ZNF248: variants seen among roughly 807,000 people sequenced by gnomAD.
ZNF248 encodes KRAB protein domain.
ZNF248 carries 20 observed loss-of-function variants against 44.3 expected under a neutral mutation model. The ratio of observed to expected loss-of-function variants is 0.45; its 90% CI spans 0.32 to 0.66. ZNF248 has a LOEUF of 0.66. Ranked by LOEUF, ZNF248 falls within the 30% of genes least tolerant of loss-of-function variation. The probability of loss-of-function intolerance (pLI) is 0.04; values close to 1 mark genes in which losing one functional copy is unlikely to be tolerated. For missense variants in ZNF248, 654 were observed against 677.0 expected, an observed-to-expected ratio of 0.97 and a Z score of 0.38; for synonymous variants, 224 against 229.0, an observed-to-expected ratio of 0.98 and a Z score of 0.20.
the ZNF248 span, among the ~76,000 whole-genome samples, chr10:37,758,569 T>C: frequency 6.6e-6 from 1 of 152,220 alleles, no homozygotes; most frequent in Non-Finnish European, 1.5e-5. Context: ...TTAATGAAAG[T>C]CATATACTCA....
chr10:37,829,762 C>A lies in ZNF248; in HGVS notation c.*1853G>T. On this transcript the variant is annotated 3_prime_UTR_variant, in exon 6 of 6. Coordinates refer to ENST00000395867, the MANE Select transcript of ZNF248 (RefSeq NM_021045.3). ...AGCCCAGCAGAGTCTCTTCTCATGT[C>A]ATGACAATGTTGTATCAAGGAGATC... 2.0e-6 allele frequency: 2 copies of A among 985,370 alleles called. No individual in the cohort carries two copies. Among genetic ancestry groups the A allele is most frequent in the Non-Finnish European group, 2.4e-6 (2 of 829,922 alleles). 61.0% of individuals were successfully genotyped at this position (985,370 alleles called of 1,614,324 possible).
intron 6 of ZNF248, among the ~76,000 whole-genome samples, chr10:37,815,636 TTTC>T (rs907154960): frequency 2.0e-5 from 3 of 152,108 alleles, no homozygotes; most frequent in East Asian, 3.9e-4. Flanking sequence ...TCAGGGACAG[TTTC>T]TTTTCTTTTT....
intron 3 of ZNF248, among the ~76,000 whole-genome samples, chr10:37,855,798 G>C (rs1037184942): frequency 2.0e-5 from 3 of 152,226 alleles, no homozygotes; most frequent in Admixed American, 6.5e-5. Flanking sequence ...ACATAAATGA[G>C]AAACACAGAA....
At chr10:37,771,188 T>C in the ZNF248 span, among the ~76,000 whole-genome samples, 32 of 152,276 alleles carry the variant, frequency 2.1e-4, no homozygotes, top group South Asian at 2.1e-4. Flanking sequence ...TGTAAACCAG[T>C]TCAACAATTG....
intron 3 of ZNF248, among the ~76,000 whole-genome samples, chr10:37,846,117 G>A (rs148495710): frequency 2.7e-4 from 41 of 152,230 alleles, no homozygotes; most frequent in Middle Eastern, 3.4e-3. Flanking sequence ...GGTCTTAGGC[G>A]TTAACCACCT....
intron 6 of ZNF248, chr10:37,819,963 C>G (rs1172024550): frequency 1.3e-6 from 1 of 767,288 alleles, no homozygotes; most frequent in Non-Finnish European, 2.4e-6. Context: ...TAAAGCGGCC[C>G]CATCTCAAGC....
At chr10:37,837,936 C>T in intron 4 of ZNF248, 49 bp downstream of exon 4, 1 of 1,592,826 alleles carries the variant, frequency 6.3e-7, no homozygotes, top group Admixed American at 1.7e-5. Flanking sequence ...AGGGCATCAA[C>T]TAGTAAATGC....
chr10:37,820,686 C>T (rs775796484), intron 6 of ZNF248: 28 of 1,384,672 alleles, frequency 2.0e-5, no homozygotes, highest in East Asian at 9.2e-5. Context: ...TGCTTTTTCT[C>T]GGGAGTCTCT....
chr10:37,767,194 C>G, the ZNF248 span, among the ~76,000 whole-genome samples: 1 of 152,204 alleles, frequency 6.6e-6, no homozygotes, highest in African/African-American at 2.4e-5. Context: ...AGTTGGAACA[C>G]ACTCTGCAGG....
rs2055899177 is a variant in ZNF248 at position 37,832,252 on chromosome 10, G to A, written c.1103C>T (p.Thr368Ile). Residue 368 changes from threonine (T) to isoleucine (I), a missense_variant, in exon 6 of 6, where the codon ACC (threonine) becomes ATC (isoleucine). Physicochemically the swap from Thr to Ile is moderately conservative, Grantham distance 89 (BLOSUM62 -1). Transcript: ENST00000395867. ...TCCTGTGTGAGCTCTCCGAAGCTGG[G>A]TAAGATGTGACTTCTTGCTGAAATT... Reference protein sequence around the residue: ...GSNFSKKSHLTQLRRAHTGEK... With the variant: ...GSNFSKKSHLIQLRRAHTGEK... 2.5e-6 allele frequency: 4 copies of A among 1,614,034 alleles called. No homozygotes were observed. The South Asian group carries it at 4.4e-5, about 18-fold the overall frequency.
At chr10:37,769,762 G>T in the ZNF248 span, among the ~76,000 whole-genome samples, 5 of 152,210 alleles carry the variant, frequency 3.3e-5, no homozygotes, top group African/African-American at 7.2e-5. Context: ...AGTGGTGGAA[G>T]TTCTGGCCAG....
intron 6 of ZNF248, among the ~76,000 whole-genome samples, chr10:37,817,842 C>G (rs2052761406): frequency 6.6e-6 from 1 of 152,048 alleles, no homozygotes; most frequent in Non-Finnish European, 1.5e-5. Context: ...GTTACCTAAA[C>G]TTTATTAAAA....
downstream of ZNF248, among the ~76,000 whole-genome samples, chr10:37,772,404 C>G (rs2046290470): frequency 6.6e-6 from 1 of 152,240 alleles, no homozygotes; most frequent in South Asian, 2.1e-4. Flanking sequence ...TATATTGCCA[C>G]CAGACACTGC....
intron 3 of ZNF248, among the ~76,000 whole-genome samples, chr10:37,844,095 CAA>C (rs1231557043): frequency 6.6e-6 from 1 of 152,100 alleles, no homozygotes; most frequent in Non-Finnish European, 1.5e-5. Flanking sequence ...AAGAAAAATC[CAA>C]AGAGATCCAC....
intron 6 of ZNF248, chr10:37,819,668 T>C (rs1278965645): frequency 1.3e-6 from 1 of 795,866 alleles, no homozygotes. Context: ...TGCTTCCTCC[T>C]TTTTAAGATG....
chr10:37,807,333 A>G (rs567161946), intron 6 of ZNF248, among the ~76,000 whole-genome samples: 55 of 152,268 alleles, frequency 3.6e-4, no homozygotes, highest in African/African-American at 1.3e-3. Flanking sequence ...AACTCTTGAA[A>G]TCAGGAGGAG....
At position 37,838,118 on chromosome 10, in the gene ZNF248, T is replaced by C; in HGVS notation, c.16-7A>G. 4.4e-6 allele frequency: 7 copies of C among 1,606,788 alleles called. No individual in the cohort carries two copies. Among genetic ancestry groups the C allele is most frequent in the South Asian group, 2.2e-5 (2 of 90,558 alleles). On this transcript the variant is annotated splice_region_variant and splice_polypyrimidine_tract_variant and intron_variant, in intron 3 of 5. Coordinates refer to ENST00000395867, the MANE Select transcript of ZNF248 (RefSeq NM_021045.3). ...CCTTGAATGACACTTGTTCCTGTAA[T>C]AGTATACTCTTTTTACATGAAATGG... is the stretch of plus-strand genomic sequence containing the variant.
intron 3 of ZNF248, among the ~76,000 whole-genome samples, chr10:37,841,651 A>G (rs1000364807): frequency 1.3e-5 from 2 of 152,252 alleles, no homozygotes; most frequent in Non-Finnish European, 2.9e-5. Context: ...CAAAGAGTAC[A>G]GTTGAAAACG....
At chr10:37,845,632 A>G (rs1487531431) in intron 3 of ZNF248, among the ~76,000 whole-genome samples, 1 of 152,162 alleles carries the variant, frequency 6.6e-6, no homozygotes, top group African/African-American at 2.4e-5. Context: ...ATGACAAACA[A>G]CAGATATGCA....
Sources: allele counts gnomAD v4.1 joint callset (sites outside exome capture counted in the v4.1 genomes callset), GRCh38; gene constraint gnomAD v4.1.1; transcripts MANE v1.5; gene names NCBI Gene and HGNC (gene_info 2026-07-23, HGNC 2026-07-21).